Variants in MAP4K3 observed in about 807,000 individuals in gnomAD.
MAP4K3 encodes MAPK/ERK kinase kinase kinase 3.
In MAP4K3, 94 loss-of-function variants were observed where a neutral mutation model predicts 143.5. The observed-to-expected ratio is 0.65, with a 90% confidence interval of 0.55 to 0.78. MAP4K3 has a LOEUF of 0.78. Ranked by LOEUF, MAP4K3 falls within the 30% of genes least tolerant of loss-of-function variation. The pLI is 0.00. For missense variants in MAP4K3, 1,077 were observed against 1,068.1 expected (o/e 1.01, Z -0.12); for synonymous variants, 416 against 347.2 (o/e 1.20, Z -2.20).
intron 32 of MAP4K3, among the ~76,000 whole-genome samples, chr2:39,253,283 G>A (rs1440679637): frequency 5.9e-5 from 9 of 152,094 alleles, no homozygotes; most frequent in Admixed American, 2.6e-4. Context: ...AGAGGCACGC[G>A]CCACCACGCC....
chr2:39,277,694 A>G (rs1681330125), intron 24 of MAP4K3, among the ~76,000 whole-genome samples: 2 of 151,920 alleles, frequency 1.3e-5, no homozygotes, highest in South Asian at 4.2e-4. Flanking sequence ...CCTTCGAAGC[A>G]GTTGGGATTA....
At chr2:39,282,947 A>C (rs550545901) in intron 21 of MAP4K3, among the ~76,000 whole-genome samples, 5 of 152,254 alleles carry the variant, frequency 3.3e-5, no homozygotes, top group East Asian at 1.9e-4. Context: ...ACAGTAATCC[A>C]TATCGGTCAT....
At chr2:39,350,769 C>G (rs548623762) in intron 3 of MAP4K3, among the ~76,000 whole-genome samples, 5 of 152,262 alleles carry the variant, frequency 3.3e-5, no homozygotes, top group South Asian at 4.1e-4. Flanking sequence ...CTGTTAAAAT[C>G]TTTCAGCAAG....
At chr2:39,336,645 T>C (rs965244392) in intron 6 of MAP4K3, among the ~76,000 whole-genome samples, 1 of 152,220 alleles carries the variant, frequency 6.6e-6, no homozygotes, top group East Asian at 1.9e-4. Context: ...AAGCTTACTC[T>C]GCATTTTACT....
intron 1 of MAP4K3, among the ~76,000 whole-genome samples, chr2:39,398,853 G>C (rs1037771668): frequency 6.6e-6 from 1 of 151,050 alleles, no homozygotes; most frequent in African/African-American, 2.4e-5. Flanking sequence ...GACCAGCCTG[G>C]CCAACATGGC....
At chr2:39,374,018 C>T (rs551854661) in intron 2 of MAP4K3, among the ~76,000 whole-genome samples, 2 of 152,298 alleles carry the variant, frequency 1.3e-5, no homozygotes, top group South Asian at 4.1e-4. Context: ...TCCATCTACC[C>T]TGGTGTGATT....
chr2:39,429,767 G>A (rs925075245), intron 1 of MAP4K3, among the ~76,000 whole-genome samples: 1 of 152,160 alleles, frequency 6.6e-6, no homozygotes, highest in South Asian at 2.1e-4. Context: ...AAACCATTTT[G>A]AAAAGGTAGA....
chr2:39,405,717 C>T (rs1667076026), intron 1 of MAP4K3, among the ~76,000 whole-genome samples: 1 of 151,942 alleles, frequency 6.6e-6, no homozygotes, highest in Non-Finnish European at 1.5e-5. Context: ...AAAATACAAA[C>T]ATTAGCCAGC....
At chr2:39,268,771 C>G (rs559753227) in intron 26 of MAP4K3, among the ~76,000 whole-genome samples, 1 of 148,896 alleles carries the variant, frequency 6.7e-6, no homozygotes, top group South Asian at 2.2e-4. Context: ...TCTCAAATAG[C>G]TGTGATTACA....
Position 39,258,201 on chromosome 2 carries a change from G to C in MAP4K3, c.2470+147C>G, listed in dbSNP as rs137905386. ...CCCACCTTGGCCTCCCAAAGTGCTG[G>C]GATTACAGGCATGAGCCACCATGCC... On this transcript the variant is annotated intron_variant, in intron 31 of 33. Transcript: ENST00000263881. 17 of 638,978 alleles carry C rather than the reference G, an allele frequency of 2.7e-5. 1 individual carries two copies. The South Asian group carries it at 3.4e-4, about 13-fold the overall frequency. 39.6% of individuals were successfully genotyped at this position (638,978 alleles called of 1,614,324 possible).
At chr2:39,329,685 G>A (rs1683619968) in intron 8 of MAP4K3, among the ~76,000 whole-genome samples, 1 of 152,194 alleles carries the variant, frequency 6.6e-6, no homozygotes, top group Non-Finnish European at 1.5e-5. Flanking sequence ...GAAGAAGAGA[G>A]ACTGCAGACT....
chr2:39,354,575 G>A (rs1163137587), intron 3 of MAP4K3, among the ~76,000 whole-genome samples: 2 of 151,672 alleles, frequency 1.3e-5, no homozygotes, highest in African/African-American at 2.4e-5. Context: ...CCGATATCAC[G>A]CCACTGCACT....
intron 7 of MAP4K3, 81 bp from the exon 8 acceptor site, chr2:39,332,070 AG>A (rs1683702837): frequency 1.4e-6 from 1 of 716,378 alleles, no homozygotes. Context: ...AACTTTTAAA[AG>A]TTATTTTTAT....
chr2:39,303,942 T>G (rs1286735660), intron 15 of MAP4K3, among the ~76,000 whole-genome samples: 1 of 152,220 alleles, frequency 6.6e-6, no homozygotes, highest in African/African-American at 2.4e-5. Flanking sequence ...ATAGCATCAG[T>G]TAAGACGGAT....
intron 21 of MAP4K3, among the ~76,000 whole-genome samples, chr2:39,286,354 G>A (rs1390467948): frequency 1.3e-5 from 2 of 152,204 alleles, no homozygotes; most frequent in Non-Finnish European, 2.9e-5. Flanking sequence ...TGTGTGGCCT[G>A]GTTCCTAACA....
chr2:39,386,868 T>G (rs1666519660), intron 1 of MAP4K3, among the ~76,000 whole-genome samples: 1 of 147,156 alleles, frequency 6.8e-6, no homozygotes, highest in Non-Finnish European at 1.5e-5. Flanking sequence ...CAGGCTGGAG[T>G]GCAGTGATAC....
At chr2:39,400,774 A>G (rs935036445) in intron 1 of MAP4K3, among the ~76,000 whole-genome samples, 6 of 152,192 alleles carry the variant, frequency 3.9e-5, no homozygotes, top group Non-Finnish European at 5.9e-5. Context: ...TTAACTAATG[A>G]GTAATACAGT....
chr2:39,296,231 T>G (rs1244214452), intron 16 of MAP4K3, among the ~76,000 whole-genome samples: 1 of 152,224 alleles, frequency 6.6e-6, no homozygotes. Context: ...AAAAGTAGGA[T>G]GCATGATTTA....
At position 39,394,510 on chromosome 2, in the gene MAP4K3, C is replaced by T. The variant is rs112590006; in HGVS notation, c.97-16387G>A. Among the ~76,000 whole-genome samples, 452 of 152,192 alleles carry T rather than the reference C, an allele frequency of 3.0e-3. 3 individuals are homozygous for T. The highest frequency in any genetic ancestry group is 3.4e-3 in the Non-Finnish European group (230 of 67,998). ...GGTAATTATTTCCAAGAATAAATAG[C>T]TATGTTTTCTGTTGTGCTTTTAATC... On this transcript the variant is annotated intron_variant, in intron 1 of 33. Coordinates refer to ENST00000263881, the MANE Select transcript of MAP4K3 (RefSeq NM_003618.4).
Sources: allele counts gnomAD v4.1 joint callset (sites outside exome capture counted in the v4.1 genomes callset), GRCh38; gene constraint gnomAD v4.1.1; transcripts MANE v1.5; gene names NCBI Gene and HGNC (gene_info 2026-07-23, HGNC 2026-07-21).